The following MAP3K14 variants were observed in gnomAD, a reference collection of about 807,000 sequenced individuals.
MAP3K14 encodes the protein NF-kappa-beta-inducing kinase.
MAP3K14 carries 16 observed loss-of-function variants against 99.2 expected under a neutral mutation model. The ratio of observed to expected loss-of-function variants is 0.16; its 90% CI spans 0.11 to 0.24. The LOEUF is 0.24. Among genes scored for constraint, MAP3K14 ranks in the 10% least tolerant of loss-of-function variants. MAP3K14 has a pLI of 1.00. For synonymous variants in MAP3K14, 462 were observed against 492.4 expected (o/e 0.94, Z 0.82); for missense variants, 784 against 1,208.7 (o/e 0.65, Z 5.21).
In MAP3K14 at chr17:45,287,193, G is replaced by A. The variant is rs2044274175; in HGVS notation, c.498C>T (p.Pro166=). The change falls in exon 4 of 16, where the codon CCC becomes CCT. Residue 166 remains proline (P), a synonymous_variant. Coordinates refer to ENST00000344686, the MANE Select transcript of MAP3K14 (RefSeq NM_003954.5). ...HAGVALAKPL[P]RTPEQESCTI... ...TGCAGCTCTCCTGCTCAGGGGTCCT[G>A]GGGAGGGGTTTGGCCAAGGCCACTC... The A allele has an allele frequency of 1.2e-6, 2 of 1,613,930 alleles. No homozygotes were observed. The highest frequency in any genetic ancestry group is 8.5e-7 in the Non-Finnish European group (1 of 1,179,850).
At chr17:45,274,351 C>A in intron 7 of MAP3K14, 97 bp from the exon 8 acceptor site, 1 of 1,571,530 alleles carries the variant, frequency 6.4e-7, no homozygotes, top group South Asian at 1.2e-5. Flanking sequence ...AGCAGGGTCA[C>A]AGGGTCAAGA....
intron 1 of MAP3K14, among the ~76,000 whole-genome samples, chr17:45,303,263 TA>T (rs1325806659): frequency 2.6e-5 from 4 of 152,232 alleles, no homozygotes; most frequent in Non-Finnish European, 4.4e-5. Flanking sequence ...TAACCTTGCT[TA>T]AAAATTTTTT....
At chr17:45,308,690 C>CAA (rs2044448533) in intron 1 of MAP3K14, among the ~76,000 whole-genome samples, 1 of 147,278 alleles carries the variant, frequency 6.8e-6, no homozygotes, top group East Asian at 2.0e-4. Flanking sequence ...TTTTTTTTGA[C>CAA]AGAGTCTTGC....
chr17:45,313,115 A>C (rs1341643675), intron 1 of MAP3K14, among the ~76,000 whole-genome samples: 2 of 152,116 alleles, frequency 1.3e-5, no homozygotes, highest in African/African-American at 4.8e-5. Flanking sequence ...AGACAGGGAG[A>C]ACCCGAGAGC....
chr17:45,290,700 C>T lies in MAP3K14; in HGVS notation c.46G>A (p.Val16Met). 1 of 1,613,570 alleles carries T rather than the reference C, an allele frequency of 6.2e-7. No homozygotes were observed. Among genetic ancestry groups the T allele is most frequent in the Non-Finnish European group, 8.5e-7 (1 of 1,179,798 alleles). ...MACPGAPGSA[V>M]GQQKELPKAK... ...TTGGGGAGTTCCTTCTGCTGCCCCACTGCTGAGCCAGGGGCACCTGGGCAG... is the reference window on the plus strand; with the variant it reads ...TTGGGGAGTTCCTTCTGCTGCCCCATTGCTGAGCCAGGGGCACCTGGGCAG... The change falls in exon 2 of 16, where the codon GTG becomes ATG. Residue 16 changes from valine (V) to methionine (M), a missense_variant. Around this residue, in one of 5 missense-constraint regions of MAP3K14, gnomAD observed 188 missense variants for 313.0 expected, o/e 0.60. Coordinates refer to ENST00000344686, the MANE Select transcript of MAP3K14 (RefSeq NM_003954.5).
intron 1 of MAP3K14, among the ~76,000 whole-genome samples, chr17:45,311,464 T>C (rs981742619): frequency 7.2e-5 from 11 of 152,180 alleles, no homozygotes; most frequent in African/African-American, 2.7e-4. Flanking sequence ...ACTGCACTAG[T>C]CCAGAACAGT....
At chr17:45,280,299 CTTTTT>C (rs751994880) in intron 6 of MAP3K14, among the ~76,000 whole-genome samples, 4 of 122,332 alleles carry the variant, frequency 3.3e-5, no homozygotes, top group Non-Finnish European at 6.6e-5. Flanking sequence ...CACAGAAACA[CTTTTT>C]TTTTTTTTTT....
At chr17:45,285,991 G>A (rs2143818404) in intron 5 of MAP3K14, among the ~76,000 whole-genome samples, 1 of 151,560 alleles carries the variant, frequency 6.6e-6, no homozygotes, top group East Asian at 1.9e-4. Context: ...AAAAGTGGAT[G>A]GATGGAATAA....
At chr17:45,273,763 A>G (rs747801355) in intron 8 of MAP3K14, 156 bp from the exon 9 acceptor site, 7 of 701,892 alleles carry the variant, frequency 1.0e-5, no homozygotes, top group Non-Finnish European at 1.6e-5. Flanking sequence ...TCGTGGAGGA[A>G]GGGAGGAGGG....
chr17:45,298,029 G>A (rs1037031116), intron 1 of MAP3K14, among the ~76,000 whole-genome samples: 9 of 152,050 alleles, frequency 5.9e-5, no homozygotes, highest in Admixed American at 6.6e-5. Context: ...AGTTTAAATC[G>A]TTTTAAAACA....
intron 1 of MAP3K14, among the ~76,000 whole-genome samples, chr17:45,303,037 C>T (rs896712963): frequency 1.3e-5 from 2 of 152,240 alleles, no homozygotes; most frequent in Non-Finnish European, 2.9e-5. Flanking sequence ...TGCGTGGTTA[C>T]AGGCCCGTGC....
At chr17:45,273,479 A>G in intron 9 of MAP3K14, 24 bp downstream of exon 9, 1 of 1,460,356 alleles carries the variant, frequency 6.8e-7, no homozygotes, top group Non-Finnish European at 9.3e-7. Context: ...ATTGGGGGGC[A>G]CGGCAGTTGG....
chr17:45,267,388 A>G lies in MAP3K14; in HGVS notation c.2326+18T>C. 6.4e-7 allele frequency: 1 copy of G among 1,565,054 alleles called. No individual in the cohort carries two copies. The highest frequency in any genetic ancestry group is 8.7e-7 in the Non-Finnish European group (1 of 1,155,590). The stretch of plus-strand genomic sequence containing the variant: ...GGGCCAGTGCTCAGGGCCCCACTGC[A>G]GCCACGGCTGCCCGTACCTATTTCC... On this transcript the variant is annotated intron_variant, in intron 12 of 15. Coordinates refer to ENST00000344686, the MANE Select transcript of MAP3K14 (RefSeq NM_003954.5). The surrounding 1 kb of genome is among the most constrained non-coding windows in gnomAD (Gnocchi z 5.1).
intron 6 of MAP3K14, among the ~76,000 whole-genome samples, chr17:45,281,133 G>A (rs2044219038): frequency 6.6e-6 from 1 of 152,064 alleles, no homozygotes; most frequent in Admixed American, 6.6e-5. Flanking sequence ...GTCTCACTCT[G>A]TTGTCCAGGC....
At chr17:45,283,901 G>A (rs147490549) in intron 6 of MAP3K14, among the ~76,000 whole-genome samples, 337 of 152,278 alleles carry the variant, frequency 2.2e-3, no homozygotes, top group Non-Finnish European at 3.4e-3. Flanking sequence ...GGACAAGGTG[G>A]CTTCCAATCA....
Position 45,290,589 on chromosome 17 carries a change from C to T in MAP3K14, c.157G>A (p.Gly53Arg), listed in dbSNP as rs761107040. The change falls in exon 2 of 16, where the codon GGA becomes AGA. Residue 53 changes from glycine (G) to arginine (R), a missense_variant. Around this residue, in one of 5 missense-constraint regions of MAP3K14, gnomAD observed 188 missense variants for 313.0 expected, o/e 0.60. Coordinates refer to ENST00000344686, the MANE Select transcript of MAP3K14 (RefSeq NM_003954.5). ...ACGTCATTCAGGATCTCCCACTTTCCGCAGAACACAGGGCTCTTCTCCACG... is the reference window on the plus strand; with the variant it reads ...ACGTCATTCAGGATCTCCCACTTTCTGCAGAACACAGGGCTCTTCTCCACG... ...EAVEKSPVFC[G>R]KWEILNDVIT... 11 of 1,613,666 alleles carry T rather than the reference C, an allele frequency of 6.8e-6. No individual in the cohort carries two copies. Among genetic ancestry groups the T allele is most frequent in the Non-Finnish European group, 9.3e-6 (11 of 1,179,874 alleles).
In MAP3K14 at chr17:45,286,777, A is replaced by T; in HGVS notation, c.806T>A (p.Phe269Tyr). The T allele has an allele frequency of 6.2e-7, 1 of 1,612,792 alleles. No homozygotes were observed. Reference sequence around the variant, plus strand: ...AGGTTTCCAGGGCTGGAGAGGGTGGAATGGGAAGGGATGAGGCAGTCTGCT... The same window carrying T: ...AGGTTTCCAGGGCTGGAGAGGGTGGTATGGGAAGGGATGAGGCAGTCTGCT... ...PYSRLPHPFPFHPLQPWKPHP... is the reference protein window; with the variant it reads ...PYSRLPHPFPYHPLQPWKPHP... The change falls in exon 5 of 16, where the codon TTC becomes TAC. Residue 269 changes from phenylalanine to tyrosine, a missense_variant. Around this residue, in one of 5 missense-constraint regions of MAP3K14, gnomAD observed 138 missense variants for 164.1 expected, o/e 0.84. Coordinates refer to ENST00000344686, the MANE Select transcript of MAP3K14 (RefSeq NM_003954.5). This position sits in a 1 kb window ranked among gnomAD's most constrained non-coding sequence, Gnocchi z 4.1.
intron 1 of MAP3K14, among the ~76,000 whole-genome samples, chr17:45,299,237 T>C (rs1410442088): frequency 3.9e-5 from 6 of 152,096 alleles, no homozygotes; most frequent in East Asian, 1.9e-4. Context: ...AAGTTCCAGA[T>C]GGCAGAAGCT....
chr17:45,289,937 C>T (rs538809345), intron 2 of MAP3K14, among the ~76,000 whole-genome samples: 10 of 152,254 alleles, frequency 6.6e-5, no homozygotes, highest in African/African-American at 2.2e-4. Context: ...TTTCTGTCTC[C>T]AAGGGAAGCC....
Sources: gnomAD v4.1 joint callset for allele counts (sites outside exome capture counted in the v4.1 genomes callset) on GRCh38, gnomAD v4.1.1 for gene constraint, gnomAD v4.1.1 regional missense constraint, Gnocchi (gnomAD v3.1) non-coding constraint, MANE v1.5 for transcripts, NCBI Gene and HGNC (gene_info 2026-07-23, HGNC 2026-07-21) for gene names.